Variants in NELFA observed in about 807,000 individuals in gnomAD.
NELFA encodes the protein negative elongation factor complex member A, also known as negative elongation factor A.
A neutral mutation model predicts 51.8 loss-of-function variants in NELFA; 35 were observed. The observed-to-expected ratio is 0.68, with a 90% CI of 0.52 to 0.90. The LOEUF is 0.90. NELFA is among the 40% of genes least tolerant of loss of function. NELFA has a pLI of 0.00. For missense variants in NELFA, 658 were observed against 746.4 expected, an observed-to-expected ratio of 0.88 and a Z score of 1.38; for synonymous variants, 417 against 338.4, an observed-to-expected ratio of 1.23 and a Z score of -2.55.
chr4:1,983,859 GGTT>G lies in NELFA; in HGVS notation c.1288_1290del (p.Asn430del). The G allele has an allele frequency of 6.3e-7, 1 of 1,576,182 alleles. No homozygotes were observed. Among genetic ancestry groups the G allele is most frequent in the South Asian group, 1.2e-5 (1 of 84,728 alleles). On this transcript the variant is annotated inframe_deletion, in exon 9 of 11. Transcript: ENST00000382882. ...CAGTGTACACCTACCGTGAGGGACA[GGTT>G]CTTCTTAGGCTGCTGCTGAGCAGGG... is the stretch of plus-strand genomic sequence containing the variant.
At chr4:1,984,254 G>A in intron 8 of NELFA, 141 bp from the exon 9 acceptor site, 1 of 1,087,770 alleles carries the variant, frequency 9.2e-7, no homozygotes, top group Non-Finnish European at 1.3e-6. Flanking sequence ...CCCCAGCCAA[G>A]GCACAGGCCC....
chr4:2,006,099 T>A (rs1008652811), intron 1 of NELFA, among the ~76,000 whole-genome samples: 1 of 152,160 alleles, frequency 6.6e-6, no homozygotes, highest in East Asian at 1.9e-4. Flanking sequence ...GGCTTATAAA[T>A]AAAGTGACAA....
intron 1 of NELFA, among the ~76,000 whole-genome samples, chr4:2,004,824 T>C (rs78086326): frequency 6.8e-6 from 1 of 147,146 alleles, no homozygotes; most frequent in African/African-American, 2.6e-5. Context: ...TTTTTTTTTT[T>C]GGAGACAGAG....
intron 1 of NELFA, among the ~76,000 whole-genome samples, chr4:1,995,020 A>C (rs1327263996): frequency 6.6e-6 from 1 of 152,214 alleles, no homozygotes; most frequent in East Asian, 1.9e-4. Context: ...TCATGATTCC[A>C]GGTGTGTCTG....
chr4:1,985,641 A>C, intron 7 of NELFA, 135 bp downstream of exon 7: 2 of 668,136 alleles, frequency 3.0e-6, no homozygotes, highest in Non-Finnish European at 5.1e-6. Context: ...ATATACGTAT[A>C]TATACATAAA....
chr4:1,985,005 C>G (rs1429927859), intron 7 of NELFA, 86 bp from the exon 8 acceptor site: 1 of 990,602 alleles, frequency 1.0e-6, no homozygotes, highest in Non-Finnish European at 1.5e-6. Context: ...AGCTCCACTG[C>G]CACAGGCTGT....
rs368141200 is a variant in NELFA at position 2,008,861 on chromosome 4, G to C, written c.99C>G (p.Leu33=). The stretch of plus-strand genomic sequence containing the variant: ...GGATGTTGTCGATGACCGCGGCCGT[G>C]AGCAGGGACGCGATGCTGGGCGGCG... ...LWAPPSIASL[L]TAAVIDNIRL... is the part of the protein sequence containing the mutation. Residue 33 remains leucine, a synonymous_variant, in exon 1 of 11, where the codon CTC becomes CTG. Coordinates refer to ENST00000382882, the MANE Select transcript of NELFA (RefSeq NM_005663.5). 3 of 1,604,150 alleles carry C rather than the reference G, an allele frequency of 1.9e-6. No individual in the cohort carries two copies. In the South Asian group the frequency reaches 3.4e-5, roughly 18 times the overall value.
chr4:1,991,663 G>T lies in NELFA; in HGVS notation c.263C>A (p.Pro88His). 6.2e-7 allele frequency: 1 copy of T among 1,613,286 alleles called. No homozygotes were observed. Among genetic ancestry groups the T allele is most frequent in the Non-Finnish European group, 8.5e-7 (1 of 1,179,802 alleles). ...GATGTCGGCGACCATGAGCACCCAG[G>T]GGTCCGAGTCGAGGCTGGCGAGCTG... ...IIQLASLDSD[P>H]WVLMVADILK... The change falls in exon 2 of 11, where the codon CCC becomes CAC. Residue 88 changes from proline (P) to histidine (H), a missense_variant. By Grantham distance (77) the Pro-to-His change is moderately conservative. Coordinates refer to ENST00000382882, the MANE Select transcript of NELFA (RefSeq NM_005663.5).
At chr4:1,988,202 A>G (rs1483987944) in intron 3 of NELFA, among the ~76,000 whole-genome samples, 195 bp from the exon 4 acceptor site, 1 of 152,198 alleles carries the variant, frequency 6.6e-6, no homozygotes, top group African/African-American at 2.4e-5. Flanking sequence ...CACTCAGGTG[A>G]GCAAGTTTCG....
chr4:1,999,966 A>T (rs1440786375), intron 1 of NELFA, among the ~76,000 whole-genome samples: 2 of 152,192 alleles, frequency 1.3e-5, no homozygotes, highest in Non-Finnish European at 2.9e-5. Context: ...AGATTAAGAA[A>T]CTCACTCAAA....
intron 7 of NELFA, 48 bp from the exon 8 acceptor site, chr4:1,984,967 G>T: frequency 7.1e-7 from 1 of 1,402,280 alleles, no homozygotes; most frequent in Non-Finnish European, 9.8e-7. Flanking sequence ...CATGCTTCCG[G>T]CATGTGCTAA....
At chr4:1,985,210 C>G (rs1008124631) in intron 7 of NELFA, among the ~76,000 whole-genome samples, 1 of 152,170 alleles carries the variant, frequency 6.6e-6, no homozygotes, top group East Asian at 1.9e-4. Context: ...TACCACGAAG[C>G]GTTGATATAA....
chr4:1,986,221 C>T (rs1186211291), intron 5 of NELFA, 38 bp from the exon 6 acceptor site: 4 of 1,561,744 alleles, frequency 2.6e-6, no homozygotes, highest in Admixed American at 1.9e-5. Flanking sequence ...AGTGACGGCA[C>T]CAGGGCGCAA....
chr4:1,991,459 A>G, intron 2 of NELFA, 85 bp downstream of exon 2: 1 of 1,447,294 alleles, frequency 6.9e-7, no homozygotes, highest in Admixed American at 1.8e-5. Flanking sequence ...GTAAAGGTCT[A>G]AAAATCAAAT....
chr4:1,993,529 G>T (rs1042965511), intron 1 of NELFA, among the ~76,000 whole-genome samples: 4 of 147,592 alleles, frequency 2.7e-5, no homozygotes, highest in Non-Finnish European at 5.9e-5. Flanking sequence ...CGTGAGCTGA[G>T]ATCGCACCAT....
intron 6 of NELFA, 52 bp from the exon 7 acceptor site, chr4:1,985,916 A>G: frequency 6.1e-6 from 9 of 1,483,130 alleles, no homozygotes; most frequent in Non-Finnish European, 8.3e-6. Flanking sequence ...CTGCAGTGTC[A>G]GCTCAGGGCA....
rs748457174 is a variant in NELFA, at chr4:1,987,900, C to G, written c.634+18G>C. ...TGCCCCAAAAGCAAGGCTCACGGCACCAGGGTGGGGGCCTTACTGGTGGTG... is the reference window on the plus strand; with the variant it reads ...TGCCCCAAAAGCAAGGCTCACGGCAGCAGGGTGGGGGCCTTACTGGTGGTG... On this transcript the variant is annotated intron_variant, in intron 4 of 10. Transcript: ENST00000382882. The G allele has an allele frequency of 4.4e-6, 7 of 1,590,530 alleles. No individual in the cohort carries two copies. The highest frequency in any genetic ancestry group is 6.0e-6 in the Non-Finnish European group (7 of 1,169,374).
intron 6 of NELFA, 87 bp from the exon 7 acceptor site, chr4:1,985,951 C>A (rs954280501): frequency 5.9e-6 from 8 of 1,364,924 alleles, no homozygotes; most frequent in African/African-American, 1.5e-5. Context: ...AACAGCTTCC[C>A]AGGGGAGGCC....
At position 1,986,227 on chromosome 4, in the gene NELFA, C is replaced by T. The variant is rs540803015; in HGVS notation, c.766-44G>A. On this transcript the variant is annotated intron_variant, in intron 5 of 10. Transcript: ENST00000382882. ...CCCTGCCTTAGTGACGGCACCAGGG[C>T]GCAACGGGCCCCGGGGTGCCACAGG... The T allele has an allele frequency of 3.6e-5, 57 of 1,562,490 alleles. 2 individuals are homozygous for T. The South Asian group carries it at 4.6e-4, about 13-fold the overall frequency.
Sources: allele counts gnomAD v4.1 joint callset (sites outside exome capture counted in the v4.1 genomes callset), GRCh38; gene constraint gnomAD v4.1.1; transcripts MANE v1.5; gene names NCBI Gene and HGNC (gene_info 2026-07-23, HGNC 2026-07-21).